The following USP14 variants were observed in gnomAD, a reference collection of about 807,000 sequenced individuals.
USP14 encodes the protein ubiquitin carboxyl-terminal hydrolase 14.
Under a neutral mutation model 76.5 loss-of-function variants are expected in USP14, and 38 were observed. The observed-to-expected ratio is 0.50, with a 90% CI of 0.38 to 0.65. USP14 has a LOEUF of 0.65. Among genes scored for constraint, USP14 ranks in the 30% least tolerant of loss-of-function variants. The pLI is 0.00. For missense variants in USP14, 467 were observed against 586.5 expected (o/e 0.80, Z 2.10); for synonymous variants, 192 against 191.7 (o/e 1.00, Z -0.01).
Position 179,541 on chromosome 18 carries a change from CATTT to C in USP14, c.300+510_300+513del, listed in dbSNP as rs574634092. 4.8e-3 allele frequency among the ~76,000 whole-genome samples: 708 copies of C among 146,886 alleles called. 3 individuals are homozygous for C. Among genetic ancestry groups the C allele is most frequent in the Non-Finnish European group, 8.1e-3 (537 of 66,680 alleles). On this transcript the variant is annotated intron_variant, in intron 4 of 15. Transcript: ENST00000261601. The stretch of plus-strand genomic sequence containing the variant: ...TGTCAATTTTTTTTTTAACACCTAG[CATTT>C]ATTTAGTGCCATTCATTCATTTTCA...
chr18:189,670 A>T (rs1910033263), intron 5 of USP14, among the ~76,000 whole-genome samples: 1 of 152,046 alleles, frequency 6.6e-6, no homozygotes, highest in African/African-American at 2.4e-5. Flanking sequence ...TTTATTAGAG[A>T]CAGGGTTTCA....
chr18:182,969 C>T (rs1909825949), intron 5 of USP14, among the ~76,000 whole-genome samples: 1 of 152,140 alleles, frequency 6.6e-6, no homozygotes, highest in East Asian at 1.9e-4. Flanking sequence ...GAAGAGAAAC[C>T]ATTGGAAGAT....
At chr18:194,030 C>T (rs1055518896) in intron 6 of USP14, among the ~76,000 whole-genome samples, 3 of 152,058 alleles carry the variant, frequency 2.0e-5, no homozygotes, top group African/African-American at 7.2e-5. Context: ...GGAGTCCCAC[C>T]GTTTTACATT....
chr18:186,052 A>G (rs1598272358), intron 5 of USP14, among the ~76,000 whole-genome samples: 1 of 152,124 alleles, frequency 6.6e-6, no homozygotes, highest in Admixed American at 6.5e-5. Flanking sequence ...TGACAAAAAA[A>G]TTTTAAATAA....
chr18:197,014 TTGTTCAG>T (rs1376949020), intron 7 of USP14, among the ~76,000 whole-genome samples: 1 of 152,204 alleles, frequency 6.6e-6, no homozygotes, highest in Non-Finnish European at 1.5e-5. Flanking sequence ...TGTTGGCCCC[TTGTTCAG>T]TACTCCCTAG....
At chr18:208,251 T>C (rs953182740) in intron 13 of USP14, among the ~76,000 whole-genome samples, 2 of 152,166 alleles carry the variant, frequency 1.3e-5, no homozygotes, top group African/African-American at 4.8e-5. Context: ...TTTCCCAGAA[T>C]TGATCCATTT....
chr18:197,467 T>C, intron 7 of USP14, 149 bp from the exon 8 acceptor site: 1 of 607,320 alleles, frequency 1.6e-6, no homozygotes, highest in Non-Finnish European at 2.9e-6. Flanking sequence ...TAGAATGCTT[T>C]ATTTTTTGGA....
At chr18:186,890 A>G (rs1909946524) in intron 5 of USP14, among the ~76,000 whole-genome samples, 1 of 152,212 alleles carries the variant, frequency 6.6e-6, no homozygotes, top group South Asian at 2.1e-4. Flanking sequence ...TTTTATGCTT[A>G]CATATTAACA....
intron 5 of USP14, among the ~76,000 whole-genome samples, chr18:184,568 A>G (rs2143027561): frequency 6.6e-6 from 1 of 152,282 alleles, no homozygotes; most frequent in South Asian, 2.1e-4. Flanking sequence ...AGCCTCGGCA[A>G]CGTGGCAAAA....
At chr18:174,590 G>A (rs1382317821) in intron 3 of USP14, among the ~76,000 whole-genome samples, 5 of 147,888 alleles carry the variant, frequency 3.4e-5, no homozygotes, top group Admixed American at 2.7e-4. Flanking sequence ...TAATGTTGTC[G>A]TAAGTGGTAC....
intron 13 of USP14, among the ~76,000 whole-genome samples, chr18:209,459 A>G (rs147209085): frequency 2.0e-5 from 3 of 152,360 alleles, no homozygotes; most frequent in Non-Finnish European, 4.4e-5. Flanking sequence ...TCCTTGTCTA[A>G]TTTAAATCAT....
Position 204,711 on chromosome 18 carries a change from C to T in USP14, c.1164+19C>T. On this transcript the variant is annotated intron_variant, in intron 13 of 15. Transcript: ENST00000261601. ...AAATACAGTAGGTTCTTACTGCTGA[C>T]TTTATACTCTTAATATCTTAATCTC... The T allele has an allele frequency of 6.2e-7, 1 of 1,605,012 alleles. No individual in the cohort carries two copies. Among genetic ancestry groups the T allele is most frequent in the Non-Finnish European group, 8.5e-7 (1 of 1,177,714 alleles).
chr18:181,783 A>C (rs1909795283), intron 5 of USP14, among the ~76,000 whole-genome samples: 1 of 151,938 alleles, frequency 6.6e-6, no homozygotes, highest in Admixed American at 6.6e-5. Flanking sequence ...TTTTGGTTTC[A>C]TATGTAAAAG....
chr18:178,653 G>A (rs1201185910), intron 3 of USP14, among the ~76,000 whole-genome samples: 1 of 152,110 alleles, frequency 6.6e-6, no homozygotes, highest in Admixed American at 6.5e-5. Flanking sequence ...TTTAAACAAT[G>A]CAGTGATTTT....
At chr18:184,883 A>G (rs1307552123) in intron 5 of USP14, among the ~76,000 whole-genome samples, 1 of 152,244 alleles carries the variant, frequency 6.6e-6, no homozygotes, top group African/African-American at 2.4e-5. Context: ...ATCAAGAACT[A>G]TAGCCACAGG....
At chr18:182,126 T>C (rs1327002259) in intron 5 of USP14, among the ~76,000 whole-genome samples, 2 of 152,260 alleles carry the variant, frequency 1.3e-5, no homozygotes, top group Admixed American at 1.3e-4. Flanking sequence ...AAAGAACATT[T>C]TGTTTTTATA....
intron 10 of USP14, 138 bp downstream of exon 10, chr18:199,454 A>G (rs1910327898): frequency 3.4e-6 from 2 of 592,636 alleles, no homozygotes; most frequent in Non-Finnish European, 6.0e-6. Context: ...CCCGATACAC[A>G]CAGTCCCATC....
chr18:166,988 G>A (rs1294227661), intron 3 of USP14, among the ~76,000 whole-genome samples, 169 bp downstream of exon 3: 1 of 151,912 alleles, frequency 6.6e-6, no homozygotes, highest in African/African-American at 2.4e-5. Context: ...TTGAAAAGTA[G>A]TTATAGGTTT....
chr18:185,439 G>T (rs984107754), intron 5 of USP14, among the ~76,000 whole-genome samples: 8 of 152,158 alleles, frequency 5.3e-5, no homozygotes, highest in Non-Finnish European at 7.4e-5. Context: ...ACAGGTGTGA[G>T]CCACTGTGCC....
Sources: gnomAD v4.1 joint callset for allele counts (sites outside exome capture counted in the v4.1 genomes callset) on GRCh38, gnomAD v4.1.1 for gene constraint, MANE v1.5 for transcripts, NCBI Gene and HGNC (gene_info 2026-07-23, HGNC 2026-07-21) for gene names.